TBC1D2B: variants seen among roughly 807,000 people sequenced by gnomAD.
The protein encoded by TBC1D2B is TBC1 domain family, member 2B.
In TBC1D2B, 64 loss-of-function variants were observed where a neutral mutation model predicts 100.8. The ratio of observed to expected loss-of-function variants is 0.64; its 90% CI spans 0.52 to 0.78. The LOEUF is 0.78. Among genes scored for constraint, TBC1D2B ranks in the 30% least tolerant of loss-of-function variants. The probability of loss-of-function intolerance (pLI) is 0.00; values close to 1 mark genes in which losing one functional copy is unlikely to be tolerated. For synonymous variants in TBC1D2B, 480 were observed against 479.7 expected (o/e 1.00, Z -0.01); for missense variants, 1,052 against 1,218.4 (o/e 0.86, Z 2.03).
chr15:78,067,519 G>T (rs920673618), intron 1 of TBC1D2B, among the ~76,000 whole-genome samples: 1 of 152,210 alleles, frequency 6.6e-6, no homozygotes, highest in Non-Finnish European at 1.5e-5. Flanking sequence ...TTGCTGCCTA[G>T]AAATAATTCC....
chr15:78,001,803 A>G, intron 11 of TBC1D2B, 63 bp from the exon 12 acceptor site: 3 of 1,534,176 alleles, frequency 2.0e-6, no homozygotes, highest in Non-Finnish European at 2.6e-6. Flanking sequence ...ACAAGGCTGG[A>G]CTCCAGGGGG....
chr15:78,001,592 GAC>G, intron 12 of TBC1D2B, 25 bp downstream of exon 12: 1 of 1,593,150 alleles, frequency 6.3e-7, no homozygotes, highest in Non-Finnish European at 8.5e-7. Flanking sequence ...TGCTCTCCTT[GAC>G]ATCTGAGAAC....
intron 6 of TBC1D2B, among the ~76,000 whole-genome samples, chr15:78,022,643 G>C (rs1253126745): frequency 1.3e-5 from 2 of 152,024 alleles, no homozygotes; most frequent in East Asian, 3.9e-4. Context: ...CTGCTTTCCA[G>C]GGCTCAAGCA....
intron 3 of TBC1D2B, 101 bp from the exon 4 acceptor site, chr15:78,030,271 C>G (rs1488607590): frequency 9.9e-7 from 1 of 1,009,042 alleles, no homozygotes; most frequent in East Asian, 2.8e-5. Flanking sequence ...TCTAATGATA[C>G]CAAATGTTGG....
At position 78,001,682 on chromosome 15, in the gene TBC1D2B, A is replaced by T. The variant is rs1306003610; in HGVS notation, c.2633T>A (p.Leu878Ter). Residue 878 changes from leucine to a stop codon, truncating the protein, a stop_gained, in exon 12 of 13, where the codon TTG becomes TAG. Coordinates refer to ENST00000300584, the MANE Select transcript of TBC1D2B (RefSeq NM_144572.2). LOFTEE classifies it high-confidence loss of function. ...CTTAAATATAGACATCGAATCTTGC[A>T]ATTTCAAAATCTCCTCTTCCTTGTA... ...FKYKEEEILK[L>*]QDSMSIFKYL... The T allele has an allele frequency of 6.2e-7, 1 of 1,608,532 alleles. No individual in the cohort carries two copies. Among genetic ancestry groups the T allele is most frequent in the Admixed American group, 1.7e-5 (1 of 59,262 alleles).
chr15:78,031,554 C>CAAAAAA lies in TBC1D2B; in HGVS notation c.684-1390_684-1385dup, dbSNP rs1225713046. On this transcript the variant is annotated intron_variant, in intron 3 of 12. Transcript: ENST00000300584. ...GGGCGATAGAGCAAGACTCTGTCTC[C>CAAAAAA]AAAAAAAAAAAAAAAAAAAAAGAGA... is the stretch of plus-strand genomic sequence containing the variant. Among the ~76,000 whole-genome samples the CAAAAAA allele has an allele frequency of 5.8e-3, 319 of 54,886 alleles. 73 individuals carry two copies. Among genetic ancestry groups the CAAAAAA allele is most frequent in the South Asian group, 0.012 (15 of 1,222 alleles). 36.0% of individuals were successfully genotyped at this position (54,886 alleles called of 152,430 possible).
rs2073850325 is a variant in TBC1D2B, at chr15:78,077,514, T to C, written c.139A>G (p.Lys47Glu). ...CTGCGGTAGCCACGCAGGGGGCCCT[T>C]GCCCGACAGCTTCTGCAGATAGCCA... ...LCGYLQKLSG[K>E]GPLRGYRSRW... is the part of the protein sequence containing the mutation. The change falls in exon 1 of 13, where the codon AAG becomes GAG. Residue 47 changes from lysine (K) to glutamate (E), a missense_variant. Transcript: ENST00000300584. The C allele has an allele frequency of 1.3e-6, 2 of 1,529,202 alleles. No homozygotes were observed. The highest frequency in any genetic ancestry group is 1.8e-6 in the Non-Finnish European group (2 of 1,138,414). The allele number at this position is 1,529,202 out of a possible 1,614,324, so 94.7% of individuals were successfully genotyped here. A position where few individuals can be genotyped will look rare whatever the true frequency, so the allele number is the denominator to read the frequency against.
chr15:78,013,921 T>TG, intron 8 of TBC1D2B, among the ~76,000 whole-genome samples: 1 of 152,288 alleles, frequency 6.6e-6, no homozygotes, highest in African/African-American at 2.4e-5. Flanking sequence ...AATATCCTCA[T>TG]GAGCCCTTCA....
At chr15:78,010,410 G>A (rs751553382) in intron 9 of TBC1D2B, among the ~76,000 whole-genome samples, 3 of 151,004 alleles carry the variant, frequency 2.0e-5, no homozygotes, top group Admixed American at 6.6e-5. Flanking sequence ...CCCATCACAC[G>A]AAGCTTATAA....
intron 3 of TBC1D2B, among the ~76,000 whole-genome samples, chr15:78,030,782 T>G (rs2072788620): frequency 6.6e-6 from 1 of 152,164 alleles, no homozygotes; most frequent in Admixed American, 6.5e-5. Flanking sequence ...AAACATTCAC[T>G]GCAGCATTGT....
Position 78,007,415 on chromosome 15 carries a change from G to A in TBC1D2B, c.2388+1582C>T, listed in dbSNP as rs189232252. On this transcript the variant is annotated intron_variant, in intron 10 of 12. Coordinates refer to ENST00000300584, the MANE Select transcript of TBC1D2B (RefSeq NM_144572.2). ...GGACAAAAAGGGGACACAGATGTAA[G>A]CTTCCAGGCAGGCGGCAGCACTAGA... Among the ~76,000 whole-genome samples the A allele has an allele frequency of 2.0e-5, 3 of 152,324 alleles. No homozygotes were observed. In the East Asian group the frequency reaches 5.8e-4, roughly 29 times the overall value.
chr15:78,068,571 A>C (rs909334000), intron 1 of TBC1D2B, among the ~76,000 whole-genome samples: 4 of 152,204 alleles, frequency 2.6e-5, no homozygotes, highest in Non-Finnish European at 4.4e-5. Flanking sequence ...AGACACTCAA[A>C]GACTAGACCA....
At chr15:78,031,578 G>A (rs867429873) in intron 3 of TBC1D2B, among the ~76,000 whole-genome samples, 3,590 of 59,828 alleles carry the variant, frequency 0.06, 125 homozygotes, top group African/African-American at 0.11. Flanking sequence ...AAAAAAAAGA[G>A]AGAGAGAGAG....
intron 1 of TBC1D2B, among the ~76,000 whole-genome samples, chr15:78,067,583 C>T (rs1261199205): frequency 2.0e-5 from 3 of 152,346 alleles, no homozygotes; most frequent in South Asian, 4.1e-4. Flanking sequence ...CTCCAGGCCA[C>T]GGCCAGGCCT....
chr15:78,042,246 T>C (rs1236771231), intron 3 of TBC1D2B, among the ~76,000 whole-genome samples: 3 of 152,184 alleles, frequency 2.0e-5, no homozygotes, highest in Admixed American at 2.0e-4. Context: ...ACAGGTCTAT[T>C]TCCACCTCAT....
chr15:78,033,900 T>C (rs2141729447), intron 3 of TBC1D2B, among the ~76,000 whole-genome samples: 1 of 152,374 alleles, frequency 6.6e-6, no homozygotes, highest in South Asian at 2.1e-4. Flanking sequence ...AGAGAAATTA[T>C]ATAACACGCT....
chr15:78,024,959 T>A (rs1386999193), intron 5 of TBC1D2B, among the ~76,000 whole-genome samples: 1 of 152,210 alleles, frequency 6.6e-6, no homozygotes, highest in Non-Finnish European at 1.5e-5. Flanking sequence ...GCTGAAACTG[T>A]GTTTAGGGAG....
intron 2 of TBC1D2B, among the ~76,000 whole-genome samples, chr15:78,047,902 CT>C (rs1341574944): frequency 6.6e-6 from 1 of 152,218 alleles, no homozygotes; most frequent in Admixed American, 6.5e-5. Flanking sequence ...ACTTCAAAGG[CT>C]GGTCTTACAA....
intron 4 of TBC1D2B, among the ~76,000 whole-genome samples, chr15:78,026,317 C>CA (rs1431153594): frequency 6.6e-6 from 1 of 152,126 alleles, no homozygotes; most frequent in Non-Finnish European, 1.5e-5. Flanking sequence ...ATGTTGTTAT[C>CA]ACCAGGGTGG....
Sources: gnomAD v4.1 joint callset for allele counts (sites outside exome capture counted in the v4.1 genomes callset) on GRCh38, gnomAD v4.1.1 for gene constraint, MANE v1.5 for transcripts, NCBI Gene and HGNC (gene_info 2026-07-23, HGNC 2026-07-21) for gene names.